The following OR56A3 variants were observed in gnomAD, a reference collection of about 807,000 sequenced individuals.
The protein encoded by OR56A3 is olfactory receptor family 56 subfamily A member 3, also known as olfactory receptor 56A3.
Under a neutral mutation model 17.5 loss-of-function variants are expected in OR56A3, and 23 were observed. The observed-to-expected ratio is 1.32, with a 90% CI of 0.95 to 1.87. The LOEUF is 1.87. Ranked by LOEUF, OR56A3 falls within the 40% of genes most tolerant of loss-of-function variation. The pLI is 0.00. For synonymous variants in OR56A3, 175 were observed against 150.6 expected (o/e 1.16, Z -1.19); for missense variants, 366 against 380.1 (o/e 0.96, Z 0.31).
the OR56A3 span, among the ~76,000 whole-genome samples, chr11:5,963,268 T>C: frequency 6.6e-6 from 1 of 152,168 alleles, no homozygotes; most frequent in Admixed American, 6.5e-5. Context: ...GGTGCAACAT[T>C]AGGTTGTTTA....
chr11:5,980,725 T>C, the OR56A3 span, among the ~76,000 whole-genome samples: 3 of 152,156 alleles, frequency 2.0e-5, no homozygotes, highest in Admixed American at 6.5e-5. Flanking sequence ...ATCGTGTTTT[T>C]AGTTGGCTGT....
the OR56A3 span, among the ~76,000 whole-genome samples, chr11:5,960,832 G>A: frequency 3.3e-5 from 5 of 151,068 alleles, no homozygotes; most frequent in Admixed American, 6.6e-5. Flanking sequence ...CTGCCCGGCC[G>A]GCTGCCCATC....
chr11:5,971,056 G>A, the OR56A3 span, among the ~76,000 whole-genome samples: 1 of 152,198 alleles, frequency 6.6e-6, no homozygotes, highest in Admixed American at 6.5e-5. Context: ...TGAGCTGTGG[G>A]CCAGAGGTAG....
At chr11:5,993,390 T>C in the OR56A3 span, among the ~76,000 whole-genome samples, 1 of 152,186 alleles carries the variant, frequency 6.6e-6, no homozygotes, top group Non-Finnish European at 1.5e-5. Flanking sequence ...TACAGCCATC[T>C]CTAGAAAGAT....
chr11:5,999,409 G>GA, the OR56A3 span: 7 of 152,184 alleles, frequency 4.6e-5, no homozygotes, highest in East Asian at 1.9e-4. Flanking sequence ...TTCACTCTTT[G>GA]AAAAAACAAT....
At chr11:6,011,308 G>A in the OR56A3 span, among the ~76,000 whole-genome samples, 1 of 151,612 alleles carries the variant, frequency 6.6e-6, no homozygotes, top group Non-Finnish European at 1.5e-5. Context: ...CTCTTTATAT[G>A]GAGGGCAGCA....
At chr11:5,998,423 TA>T in the OR56A3 span, among the ~76,000 whole-genome samples, 1 of 152,170 alleles carries the variant, frequency 6.6e-6, no homozygotes, top group African/African-American at 2.4e-5. Context: ...AGAAAGAGTC[TA>T]AATTAGGAAG....
At chr11:6,016,428 T>C in the OR56A3 span, among the ~76,000 whole-genome samples, 5 of 152,136 alleles carry the variant, frequency 3.3e-5, no homozygotes, top group Non-Finnish European at 7.4e-5. Flanking sequence ...CTAGGGAGAC[T>C]ACACTACTGC....
chr11:5,991,867 A>G, the OR56A3 span, among the ~76,000 whole-genome samples: 13 of 152,198 alleles, frequency 8.5e-5, no homozygotes, highest in African/African-American at 3.1e-4. Context: ...CAGGTCCCAG[A>G]GGACTCATAG....
chr11:6,002,645 G>A, the OR56A3 span: 2 of 1,614,260 alleles, frequency 1.2e-6, no homozygotes, highest in Non-Finnish European at 1.7e-6. Flanking sequence ...CCATGAACGT[G>A]CAGGACTCCA....
the OR56A3 span, among the ~76,000 whole-genome samples, chr11:5,964,543 C>G: frequency 6.6e-6 from 1 of 152,112 alleles, no homozygotes; most frequent in Non-Finnish European, 1.5e-5. Context: ...TGGTATAGTG[C>G]CAGGCTAGAA....
At chr11:5,960,497 G>A in the OR56A3 span, among the ~76,000 whole-genome samples, 3 of 152,252 alleles carry the variant, frequency 2.0e-5, no homozygotes, top group Non-Finnish European at 4.4e-5. Flanking sequence ...CTGACCGCGA[G>A]TGGTCTGCCA....
chr11:6,007,209 A>G, the OR56A3 span, among the ~76,000 whole-genome samples: 1 of 152,236 alleles, frequency 6.6e-6, no homozygotes, highest in Non-Finnish European at 1.5e-5. Flanking sequence ...CAGACACAGA[A>G]AGAAAAATAT....
At chr11:5,967,559 C>T in the OR56A3 span, 2 of 1,560,314 alleles carry the variant, frequency 1.3e-6, no homozygotes, top group Non-Finnish European at 1.7e-6. Flanking sequence ...TTTTTTACAA[C>T]CTCCTCAGCA....
the OR56A3 span, among the ~76,000 whole-genome samples, chr11:5,970,409 A>G: frequency 6.6e-6 from 1 of 152,222 alleles, no homozygotes. Context: ...TTTGGCAATT[A>G]GGTAATCATT....
the OR56A3 span, among the ~76,000 whole-genome samples, chr11:6,003,973 G>T: frequency 1.3e-5 from 2 of 152,104 alleles, no homozygotes; most frequent in African/African-American, 4.8e-5. Context: ...CTTTTGTGGG[G>T]TATCATTTGT....
the OR56A3 span, among the ~76,000 whole-genome samples, chr11:5,962,543 T>A: frequency 1.3e-5 from 2 of 149,872 alleles, no homozygotes; most frequent in African/African-American, 4.9e-5. Context: ...TTTTTTTTTT[T>A]TTTTTTGAGA....
the OR56A3 span, chr11:5,985,861 T>A: frequency 3.5e-5 from 47 of 1,341,392 alleles, no homozygotes; most frequent in Middle Eastern, 7.8e-4. Context: ...TCTGTATTCA[T>A]GTAATCTACA....
the OR56A3 span, chr11:5,968,593 A>G: frequency 2.2e-6 from 2 of 918,788 alleles, no homozygotes; most frequent in Admixed American, 5.3e-5. Flanking sequence ...ATTTGCTAAC[A>G]TTTTCTAATT....
Sources: gnomAD v4.1 joint callset for allele counts (sites outside exome capture counted in the v4.1 genomes callset) on GRCh38, gnomAD v4.1.1 for gene constraint, MANE v1.5 for transcripts, NCBI Gene and HGNC (gene_info 2026-07-23, HGNC 2026-07-21) for gene names.